BCKDHB: variants seen among roughly 807,000 people sequenced by gnomAD.
BCKDHB encodes the protein 2-oxoisovalerate dehydrogenase subunit beta, mitochondrial.
BCKDHB carries 41 observed loss-of-function variants against 48.5 expected under a neutral mutation model. That is an observed-to-expected ratio of 0.85 (90% CI 0.66 to 1.10). BCKDHB has a LOEUF of 1.10. Ranked by LOEUF, BCKDHB falls within the 50% of genes least tolerant of loss-of-function variation. The pLI is 0.00. For synonymous variants in BCKDHB, 201 were observed against 174.8 expected (o/e 1.15, Z -1.18); for missense variants, 496 against 494.2 (o/e 1.00, Z -0.03).
chr6:80,174,715 C>T (rs914403361), intron 6 of BCKDHB, among the ~76,000 whole-genome samples: 2 of 152,230 alleles, frequency 1.3e-5, no homozygotes, highest in South Asian at 2.1e-4. Flanking sequence ...GTCCTGGACA[C>T]ATTGATCTTC....
At chr6:80,429,241 T>C in the BCKDHB span, among the ~76,000 whole-genome samples, 2 of 152,234 alleles carry the variant, frequency 1.3e-5, 1 homozygote, top group East Asian at 3.8e-4. Flanking sequence ...GTATCTGTTT[T>C]GGTACCAATA....
the BCKDHB span, among the ~76,000 whole-genome samples, chr6:80,395,809 G>T: frequency 6.6e-6 from 1 of 152,164 alleles, no homozygotes; most frequent in Non-Finnish European, 1.5e-5. Context: ...GCCAGGCTCA[G>T]GACCCTCCTG....
intron 6 of BCKDHB, among the ~76,000 whole-genome samples, chr6:80,185,635 CT>C (rs1281565302): frequency 1.3e-4 from 20 of 152,298 alleles, no homozygotes; most frequent in South Asian, 2.1e-4. Context: ...ATGTTCTCCC[CT>C]TCACCTGGAG....
chr6:80,183,377 G>C (rs1773502028), intron 6 of BCKDHB, among the ~76,000 whole-genome samples: 1 of 152,182 alleles, frequency 6.6e-6, no homozygotes, highest in Non-Finnish European at 1.5e-5. Flanking sequence ...GCAATTGTAA[G>C]AGTGAAAACC....
At chr6:80,307,860 G>A in intron 9 of BCKDHB, 1 of 979,082 alleles carries the variant, frequency 1.0e-6, no homozygotes, top group Middle Eastern at 5.2e-4. Flanking sequence ...ACTTAACACT[G>A]CAAATGCAAC....
intron 3 of BCKDHB, among the ~76,000 whole-genome samples, chr6:80,167,359 GA>G (rs753290239): frequency 6.6e-6 from 1 of 151,326 alleles, no homozygotes; most frequent in Non-Finnish European, 1.5e-5. Flanking sequence ...TGAAACATTA[GA>G]TTACTTACAA....
chr6:80,116,230 A>G (rs1769697053), intron 1 of BCKDHB, among the ~76,000 whole-genome samples: 1 of 152,168 alleles, frequency 6.6e-6, no homozygotes. Context: ...GACCTACCCC[A>G]TCAGACTGTT....
intron 9 of BCKDHB, among the ~76,000 whole-genome samples, chr6:80,315,499 G>C (rs1317400169): frequency 6.6e-6 from 1 of 152,066 alleles, no homozygotes; most frequent in Non-Finnish European, 1.5e-5. Flanking sequence ...GGATATTTCA[G>C]TAGAAGGTGC....
chr6:80,375,888 C>G, the BCKDHB span, among the ~76,000 whole-genome samples: 2 of 152,118 alleles, frequency 1.3e-5, no homozygotes, highest in African/African-American at 4.8e-5. Flanking sequence ...GATGGGGCTT[C>G]CTGAGAATTG....
At chr6:80,143,236 C>G (rs1432568993) in intron 3 of BCKDHB, among the ~76,000 whole-genome samples, 1 of 152,098 alleles carries the variant, frequency 6.6e-6, no homozygotes, top group African/African-American at 2.4e-5. Flanking sequence ...ACACTGTGCT[C>G]AGACATTGAG....
chr6:80,273,989 G>A (rs1428075072), intron 9 of BCKDHB, among the ~76,000 whole-genome samples: 5 of 151,756 alleles, frequency 3.3e-5, no homozygotes, highest in African/African-American at 1.2e-4. Flanking sequence ...GAATATCTTC[G>A]CAGTTTGCAA....
intron 9 of BCKDHB, among the ~76,000 whole-genome samples, chr6:80,281,196 G>C (rs1013176537): frequency 6.6e-6 from 1 of 152,092 alleles, no homozygotes; most frequent in Non-Finnish European, 1.5e-5. Flanking sequence ...CATGGGTATA[G>C]ATAGGGTCAC....
chr6:80,339,238 A>C (rs1769770312), intron 9 of BCKDHB, among the ~76,000 whole-genome samples: 1 of 152,224 alleles, frequency 6.6e-6, no homozygotes, highest in African/African-American at 2.4e-5. Context: ...TCATCAAAAC[A>C]TGGGAATAAA....
chr6:80,427,068 A>C, the BCKDHB span, among the ~76,000 whole-genome samples: 1 of 152,096 alleles, frequency 6.6e-6, no homozygotes, highest in Non-Finnish European at 1.5e-5. Flanking sequence ...ATGAATAAAT[A>C]CCTTTATGAT....
chr6:80,296,406 C>T (rs1362728148), intron 9 of BCKDHB, among the ~76,000 whole-genome samples: 4 of 152,126 alleles, frequency 2.6e-5, no homozygotes, highest in Non-Finnish European at 4.4e-5. Flanking sequence ...TACAGTTATT[C>T]ATATTGGAAT....
chr6:80,178,429 G>A (rs1773265386), intron 6 of BCKDHB, among the ~76,000 whole-genome samples: 1 of 152,176 alleles, frequency 6.6e-6, no homozygotes, highest in South Asian at 2.1e-4. Flanking sequence ...TTCGTTAATA[G>A]CACAATAAAC....
In BCKDHB at chr6:80,286,046, CT is replaced by C. The variant is rs1766612264; in HGVS notation, c.1038+12831del. ...TATGAATTAACTTTTTAAATTGATA[CT>C]TTTTTAAACAGTGTAATTAAATGAG... On this transcript the variant is annotated intron_variant, in intron 9 of 9. Transcript: ENST00000320393. Among the ~76,000 whole-genome samples the C allele has an allele frequency of 2.6e-5, 4 of 151,900 alleles. No homozygotes were observed. The South Asian group carries it at 6.2e-4, about 24-fold the overall frequency.
chr6:80,447,690 T>C, the BCKDHB span, among the ~76,000 whole-genome samples: 2,477 of 152,250 alleles, frequency 0.016, 64 homozygotes, highest in African/African-American at 0.057. Context: ...TTTGTGTAAA[T>C]AGAATTATAC....
At position 80,204,817 on chromosome 6, in the gene BCKDHB, T is replaced by C. The variant is rs560986344; in HGVS notation, c.951+1605T>C. On this transcript the variant is annotated intron_variant, in intron 8 of 9. Transcript: ENST00000320393. ...AAAGAAGGGTGAAGTTGTTTATATT[T>C]ACATCGATAGCAGTTTGCTTTTGCA... is the stretch of plus-strand genomic sequence containing the variant. Among the ~76,000 whole-genome samples the C allele has an allele frequency of 8.1e-4, 124 of 152,190 alleles. 4 individuals are homozygous for C. The South Asian group carries it at 0.025, about 31-fold the overall frequency.
Sources: allele counts gnomAD v4.1 joint callset (sites outside exome capture counted in the v4.1 genomes callset), GRCh38; gene constraint gnomAD v4.1.1; transcripts MANE v1.5; gene names NCBI Gene and HGNC (gene_info 2026-07-23, HGNC 2026-07-21).